STARD13: variants seen among roughly 807,000 people sequenced by gnomAD.
STARD13 encodes StAR related lipid transfer domain containing 13.
In STARD13, 62 loss-of-function variants were observed where a neutral mutation model predicts 106.4. The ratio of observed to expected loss-of-function variants is 0.58; its 90% CI spans 0.48 to 0.72. STARD13 has a LOEUF of 0.72. Among genes scored for constraint, STARD13 ranks in the 30% least tolerant of loss-of-function variants. The probability of loss-of-function intolerance (pLI) is 0.00; values close to 1 mark genes in which losing one functional copy is unlikely to be tolerated. For synonymous variants in STARD13, 565 were observed against 553.0 expected, an observed-to-expected ratio of 1.02 and a Z score of -0.31; for missense variants, 1,387 against 1,424.0, an observed-to-expected ratio of 0.97 and a Z score of 0.42.
At chr13:33,418,908 AATAG>A in the STARD13 span, among the ~76,000 whole-genome samples, 2 of 152,200 alleles carry the variant, frequency 1.3e-5, no homozygotes, top group Non-Finnish European at 2.9e-5. Flanking sequence ...AACAGAAAGG[AATAG>A]CATCAACATC....
At chr13:33,648,001 T>C in the STARD13 span, among the ~76,000 whole-genome samples, 2 of 152,206 alleles carry the variant, frequency 1.3e-5, no homozygotes, top group Non-Finnish European at 2.9e-5. Context: ...TTCTAGGATA[T>C]AGGAGACTTA....
the STARD13 span, among the ~76,000 whole-genome samples, chr13:33,583,854 A>G: frequency 6.8e-5 from 1 of 14,694 alleles, no homozygotes; most frequent in Non-Finnish European, 1.3e-4. Context: ...CTGGCCTATA[A>G]TGTTTTTTTT....
chr13:33,350,487 G>A, exon 1 of STARD13: 1 of 1,484,104 alleles, frequency 6.7e-7, no homozygotes, highest in Non-Finnish European at 9.0e-7. Context: ...CAGACTCCCG[G>A]CGACTGGAAA....
chr13:33,415,297 G>A, the STARD13 span, among the ~76,000 whole-genome samples: 2 of 152,286 alleles, frequency 1.3e-5, no homozygotes, highest in South Asian at 2.1e-4. Context: ...GAACCCGGGA[G>A]GCGGAGCTTG....
intron 1 of STARD13, among the ~76,000 whole-genome samples, chr13:33,269,006 T>G (rs1358635952): frequency 6.6e-6 from 1 of 152,180 alleles, no homozygotes; most frequent in Non-Finnish European, 1.5e-5. Context: ...GAGCAAAAAG[T>G]TTTGACAAGC....
the STARD13 span, among the ~76,000 whole-genome samples, chr13:33,392,150 G>A: frequency 6.6e-6 from 1 of 152,130 alleles, no homozygotes; most frequent in Non-Finnish European, 1.5e-5. Flanking sequence ...AAAATGCACA[G>A]AGGGCCCCTA....
the STARD13 span, among the ~76,000 whole-genome samples, chr13:33,559,655 A>G: frequency 6.6e-6 from 1 of 151,528 alleles, no homozygotes; most frequent in Non-Finnish European, 1.5e-5. Flanking sequence ...GGAGTTCAAG[A>G]CCAGCCTGGC....
intron 4 of STARD13, among the ~76,000 whole-genome samples, chr13:33,135,789 CACTTA>C (rs560124449): frequency 6.6e-6 from 1 of 152,166 alleles, no homozygotes; most frequent in African/African-American, 2.4e-5. Context: ...TTATCAATCC[CACTTA>C]ACTTAGATAA....
At chr13:33,167,674 A>T (rs1397951127) in intron 1 of STARD13, 52 bp from the exon 2 acceptor site, 2 of 1,539,260 alleles carry the variant, frequency 1.3e-6, no homozygotes, top group Non-Finnish European at 1.8e-6. Flanking sequence ...GCACCCTAGT[A>T]CTCTGCCTTC....
chr13:33,115,512 G>C (rs1298398617), intron 8 of STARD13, among the ~76,000 whole-genome samples: 1 of 152,146 alleles, frequency 6.6e-6, no homozygotes, highest in African/African-American at 2.4e-5. Context: ...CTGGCCACCT[G>C]CTCAACTCAA....
the STARD13 span, among the ~76,000 whole-genome samples, chr13:33,361,617 C>T: frequency 6.6e-6 from 1 of 152,160 alleles, no homozygotes; most frequent in Non-Finnish European, 1.5e-5. Context: ...ACAGGCTGTA[C>T]AGGAAGCATG....
At chr13:33,559,141 C>G in the STARD13 span, among the ~76,000 whole-genome samples, 1 of 151,714 alleles carries the variant, frequency 6.6e-6, no homozygotes, top group East Asian at 1.9e-4. Context: ...TTTGCCCTGT[C>G]TCAAAAAATT....
At chr13:33,514,744 G>A in the STARD13 span, among the ~76,000 whole-genome samples, 2 of 152,080 alleles carry the variant, frequency 1.3e-5, no homozygotes, top group Non-Finnish European at 2.9e-5. Context: ...CCACAATATG[G>A]ACAGTGACAG....
the STARD13 span, among the ~76,000 whole-genome samples, chr13:33,594,029 C>G: frequency 6.6e-6 from 1 of 152,170 alleles, no homozygotes; most frequent in Non-Finnish European, 1.5e-5. Context: ...GCCTCAGCCT[C>G]CCAAGTAGCT....
Position 33,127,434 on chromosome 13 carries a change from G to A in STARD13, c.1861C>T (p.Leu621=). 1 of 1,605,058 alleles carries A rather than the reference G, an allele frequency of 6.2e-7. No individual in the cohort carries two copies. The highest frequency in any genetic ancestry group is 8.5e-7 in the Non-Finnish European group (1 of 1,178,794). The change falls in exon 6 of 14, where the codon CTG becomes TTG. Residue 621 remains leucine, a synonymous_variant. Coordinates refer to ENST00000336934, the MANE Select transcript of STARD13 (RefSeq NM_178006.4). Reference sequence around the variant, plus strand: ...TCCATGATGGCCGTGAGGCGGAGCAGTGAGAAGCGCTGGAGCAGGCTCAGC... The same window carrying A: ...TCCATGATGGCCGTGAGGCGGAGCAATGAGAAGCGCTGGAGCAGGCTCAGC... The part of the protein sequence containing the change: ...SQLSLLQRFS[L]LRLTAIMEKH...
At chr13:33,148,212 AT>A (rs2138265125) in intron 3 of STARD13, among the ~76,000 whole-genome samples, 1 of 152,360 alleles carries the variant, frequency 6.6e-6, no homozygotes, top group East Asian at 1.9e-4. Context: ...GAAATAACTG[AT>A]AAACCAGACT....
the STARD13 span, among the ~76,000 whole-genome samples, chr13:33,668,869 CA>C: frequency 4.5e-3 from 680 of 152,302 alleles, 6 homozygotes; most frequent in African/African-American, 0.016. Context: ...TAACTAAAAA[CA>C]GCAAAAATAG....
the STARD13 span, among the ~76,000 whole-genome samples, chr13:33,499,608 TTCTTCTTC>T: frequency 2.8e-5 from 2 of 71,108 alleles, no homozygotes; most frequent in African/African-American, 6.6e-5. Context: ...TTCTTCTTTC[TTCTTCTTC>T]TTCTTCTTCT....
chr13:33,110,602 G>T, intron 11 of STARD13, 84 bp downstream of exon 11: 1 of 1,160,562 alleles, frequency 8.6e-7, no homozygotes, highest in Admixed American at 1.7e-5. Flanking sequence ...TGTGGACACA[G>T]CAGCTGTTTT....
Sources: allele counts gnomAD v4.1 joint callset (sites outside exome capture counted in the v4.1 genomes callset), GRCh38; gene constraint gnomAD v4.1.1; transcripts MANE v1.5; gene names NCBI Gene and HGNC (gene_info 2026-07-23, HGNC 2026-07-21).